The following RFX3 variants were observed in gnomAD, a reference collection of about 807,000 sequenced individuals.
The protein encoded by RFX3 is transcription factor RFX3.
RFX3 carries 14 observed loss-of-function variants against 98.6 expected under a neutral mutation model. That is an observed-to-expected ratio of 0.14 (90% confidence interval 0.09 to 0.22). The LOEUF (loss-of-function observed/expected upper bound fraction) is 0.22. Ranked by LOEUF, RFX3 falls within the 10% of genes least tolerant of loss-of-function variation. RFX3 has a pLI of 1.00. For missense variants in RFX3, 639 were observed against 926.9 expected, an observed-to-expected ratio of 0.69 and a Z score of 4.03; for synonymous variants, 383 against 328.4, an observed-to-expected ratio of 1.17 and a Z score of -1.80.
chr9:3,332,508 T>C (rs567842975), intron 3 of RFX3, among the ~76,000 whole-genome samples: 1 of 152,322 alleles, frequency 6.6e-6, no homozygotes, highest in South Asian at 2.1e-4. Context: ...CAACCTGTAA[T>C]TGCCTTCTAA....
intron 15 of RFX3, among the ~76,000 whole-genome samples, chr9:3,246,147 T>A (rs531227748): frequency 6.6e-6 from 1 of 152,230 alleles, no homozygotes; most frequent in South Asian, 2.1e-4. Context: ...CATAGGCAGG[T>A]CAAAGGGCTT....
At chr9:3,524,801 T>G (rs898911287) in intron 1 of RFX3, among the ~76,000 whole-genome samples, 1 of 147,160 alleles carries the variant, frequency 6.8e-6, no homozygotes, top group Non-Finnish European at 1.5e-5. Context: ...GTATCACAGA[T>G]GCCCTGCATC....
chr9:3,327,854 T>C (rs977032259), intron 4 of RFX3, among the ~76,000 whole-genome samples: 3 of 151,616 alleles, frequency 2.0e-5, no homozygotes, highest in Non-Finnish European at 4.4e-5. Context: ...CCACCTTTCA[T>C]ACATACATAC....
At chr9:3,514,815 T>C (rs1817995043) in intron 1 of RFX3, among the ~76,000 whole-genome samples, 4 of 152,220 alleles carry the variant, frequency 2.6e-5, no homozygotes, top group Admixed American at 2.6e-4. Flanking sequence ...TTTATGGGTT[T>C]CCGTGTTATG....
chr9:3,253,391 C>G (rs1478605854), intron 14 of RFX3, among the ~76,000 whole-genome samples: 1 of 152,198 alleles, frequency 6.6e-6, no homozygotes, highest in African/African-American at 2.4e-5. Context: ...TGCCTACTTT[C>G]ACGCCAAATA....
At chr9:3,244,974 A>C (rs112895296) in intron 15 of RFX3, among the ~76,000 whole-genome samples, 111 of 152,346 alleles carry the variant, frequency 7.3e-4, no homozygotes, top group African/African-American at 2.5e-3. Flanking sequence ...GGAGATCAGA[A>C]GTCTAGAGTT....
intron 4 of RFX3, among the ~76,000 whole-genome samples, chr9:3,305,081 G>C (rs1236985538): frequency 3.9e-5 from 6 of 152,032 alleles, no homozygotes; most frequent in African/African-American, 1.4e-4. Context: ...GAAGTGTTCA[G>C]GGGGTAAAAG....
At chr9:3,456,980 C>A (rs1164343104) in intron 1 of RFX3, among the ~76,000 whole-genome samples, 4 of 151,576 alleles carry the variant, frequency 2.6e-5, no homozygotes, top group African/African-American at 4.8e-5. Context: ...AACCCCGTCT[C>A]TACTACAGAA....
At position 3,504,459 on chromosome 9, in the gene RFX3, CCATATGGT is replaced by C. The variant is rs1564184240; in HGVS notation, c.-9+21280_-9+21287del. ...TTGTATATAAAATATATATTATATG[CCATATGGT>C]ATATATTGTATATAAAATATATATT... On this transcript the variant is annotated intron_variant, in intron 1 of 16. Coordinates refer to ENST00000617270, the MANE Select transcript of RFX3 (RefSeq NM_001282116.2). Among the ~76,000 whole-genome samples, 97 of 123,822 alleles carry C rather than the reference CCATATGGT, an allele frequency of 7.8e-4. 3 individuals carry two copies. Among genetic ancestry groups the C allele is most frequent in the East Asian group, 3.1e-3 (11 of 3,546 alleles). 81.2% of individuals were successfully genotyped at this position (123,822 alleles called of 152,430 possible).
chr9:3,515,264 A>G (rs1315175536), intron 1 of RFX3, among the ~76,000 whole-genome samples: 1 of 152,232 alleles, frequency 6.6e-6, no homozygotes, highest in African/African-American at 2.4e-5. Flanking sequence ...CTTAAAAAAG[A>G]AAGATATTAT....
chr9:3,311,835 G>C (rs988712030), intron 4 of RFX3, among the ~76,000 whole-genome samples: 1 of 148,926 alleles, frequency 6.7e-6, no homozygotes, highest in Non-Finnish European at 1.5e-5. Context: ...AGTGAGCCAA[G>C]ATTGCACCAC....
chr9:3,237,820 G>A (rs1819367375), intron 15 of RFX3, among the ~76,000 whole-genome samples: 2 of 152,128 alleles, frequency 1.3e-5, no homozygotes, highest in South Asian at 4.1e-4. Flanking sequence ...GCACAGCATG[G>A]GCGGAACAAC....
intron 1 of RFX3, among the ~76,000 whole-genome samples, chr9:3,469,845 C>T (rs1010800071): frequency 1.1e-5 from 1 of 92,218 alleles, no homozygotes; most frequent in African/African-American, 4.0e-5. Flanking sequence ...GACTCCGTCT[C>T]AAAAAAAAAA....
At chr9:3,415,260 G>C (rs1842889793) in intron 1 of RFX3, among the ~76,000 whole-genome samples, 1 of 146,196 alleles carries the variant, frequency 6.8e-6, no homozygotes, top group South Asian at 2.1e-4. Flanking sequence ...TGTTGCCCAG[G>C]CTAGGGTGCA....
intron 14 of RFX3, among the ~76,000 whole-genome samples, chr9:3,250,880 A>AC (rs1262431994): frequency 6.6e-6 from 1 of 152,014 alleles, no homozygotes; most frequent in Non-Finnish European, 1.5e-5. Flanking sequence ...AAAAATTCCT[A>AC]CCCCCAAGTG....
chr9:3,270,557 T>C, intron 10 of RFX3, 32 bp from the exon 11 acceptor site: 2 of 1,596,322 alleles, frequency 1.3e-6, no homozygotes, highest in East Asian at 2.2e-5. Context: ...AATGAATAGA[T>C]GGCAAATGAG....
intron 15 of RFX3, 82 bp from the exon 16 acceptor site, chr9:3,228,971 A>C (rs1818125364): frequency 9.2e-6 from 11 of 1,202,062 alleles, no homozygotes; most frequent in East Asian, 2.4e-5. Flanking sequence ...TAAAAATGCC[A>C]ATCTATGACT....
intron 2 of RFX3, among the ~76,000 whole-genome samples, chr9:3,393,679 G>A (rs1282811523): frequency 6.8e-6 from 1 of 147,950 alleles, no homozygotes; most frequent in Non-Finnish European, 1.5e-5. Flanking sequence ...AATAATAACA[G>A]AGCCTTTTAA....
chr9:3,282,403 A>G (rs987887264), intron 7 of RFX3, among the ~76,000 whole-genome samples: 9 of 151,728 alleles, frequency 5.9e-5, no homozygotes, highest in African/African-American at 2.2e-4. Context: ...TTAGCTTTAC[A>G]TCTATAATCG....
Sources: gnomAD v4.1 joint callset for allele counts (sites outside exome capture counted in the v4.1 genomes callset) on GRCh38, gnomAD v4.1.1 for gene constraint, MANE v1.5 for transcripts, NCBI Gene and HGNC (gene_info 2026-07-23, HGNC 2026-07-21) for gene names.